The following AFG1L variants were observed in gnomAD, a reference collection of about 807,000 sequenced individuals.
AFG1L encodes the protein AFG1 like ATPase.
In AFG1L, 53 loss-of-function variants were observed where a neutral mutation model predicts 62.2. The ratio of observed to expected loss-of-function variants is 0.85; its 90% CI spans 0.68 to 1.07. The LOEUF (loss-of-function observed/expected upper bound fraction) is 1.07, where lower values mean the gene tolerates loss of function less well. Ranked by LOEUF, AFG1L falls within the 50% of genes least tolerant of loss-of-function variation. The pLI is 0.00. For synonymous variants in AFG1L, 228 were observed against 210.3 expected (o/e 1.08, Z -0.73); for missense variants, 555 against 590.5 (o/e 0.94, Z 0.62).
intron 4 of AFG1L, among the ~76,000 whole-genome samples, chr6:108,356,150 G>A (rs752485554): frequency 6.6e-6 from 1 of 152,056 alleles, no homozygotes. Flanking sequence ...GTGATCTTAC[G>A]TTATTTCACT....
intron 1 of AFG1L, among the ~76,000 whole-genome samples, chr6:108,311,374 C>T (rs1777400310): frequency 6.6e-6 from 1 of 152,178 alleles, no homozygotes. Flanking sequence ...CCTAAACTCC[C>T]TAACCTAGAT....
chr6:108,488,820 C>G (rs577948351), intron 10 of AFG1L, among the ~76,000 whole-genome samples: 1 of 152,186 alleles, frequency 6.6e-6, no homozygotes, highest in Admixed American at 6.5e-5. Flanking sequence ...CCATTGCACT[C>G]CAGCCTGGGT....
intron 1 of AFG1L, among the ~76,000 whole-genome samples, chr6:108,307,421 T>A (rs1777242729): frequency 1.3e-5 from 2 of 151,724 alleles, no homozygotes; most frequent in South Asian, 4.2e-4. Flanking sequence ...TATTTTTTTT[T>A]TTTTTTGGAA....
chr6:108,504,009 G>T (rs1042276178), intron 10 of AFG1L, among the ~76,000 whole-genome samples: 2 of 152,262 alleles, frequency 1.3e-5, no homozygotes, highest in African/African-American at 4.8e-5. Flanking sequence ...TCAGGGCCTT[G>T]CTCTGTGTTA....
chr6:108,489,599 G>C (rs116285477), intron 10 of AFG1L, among the ~76,000 whole-genome samples: 1 of 152,158 alleles, frequency 6.6e-6, no homozygotes, highest in Non-Finnish European at 1.5e-5. Flanking sequence ...TTGCTGCCTC[G>C]AGGAGGGGCA....
chr6:108,490,203 A>G (rs991043181), intron 10 of AFG1L, among the ~76,000 whole-genome samples: 2 of 152,222 alleles, frequency 1.3e-5, no homozygotes, highest in Admixed American at 6.5e-5. Flanking sequence ...TACTAAAAAT[A>G]CAAAAATTAG....
At chr6:108,317,807 C>G (rs1365160807) in intron 1 of AFG1L, among the ~76,000 whole-genome samples, 1 of 152,080 alleles carries the variant, frequency 6.6e-6, no homozygotes, top group Non-Finnish European at 1.5e-5. Flanking sequence ...GGCCTGTGCC[C>G]AGGAATGATC....
At chr6:108,357,183 G>A (rs921684962) in intron 5 of AFG1L, among the ~76,000 whole-genome samples, 1 of 73,680 alleles carries the variant, frequency 1.4e-5, no homozygotes, top group African/African-American at 5.4e-5. Context: ...AAACTCCTGG[G>A]TTCAACTTCC....
At chr6:108,503,074 C>T (rs1446616623) in intron 10 of AFG1L, among the ~76,000 whole-genome samples, 1 of 152,196 alleles carries the variant, frequency 6.6e-6, no homozygotes, top group Non-Finnish European at 1.5e-5. Context: ...CTTGCCATAT[C>T]TCTCTACCAC....
chr6:108,444,104 A>ATCTATG (rs1402137363), intron 7 of AFG1L, among the ~76,000 whole-genome samples: 5 of 129,840 alleles, frequency 3.9e-5, no homozygotes, highest in African/African-American at 5.8e-5. Context: ...ATCTATCTAT[A>ATCTATG]TCTGCACAGG....
intron 10 of AFG1L, among the ~76,000 whole-genome samples, chr6:108,503,187 T>C (rs761426780): frequency 3.3e-5 from 5 of 152,220 alleles, no homozygotes; most frequent in Non-Finnish European, 2.9e-5. Flanking sequence ...CTTCTCCCCA[T>C]GAAGCACTAA....
intron 8 of AFG1L, among the ~76,000 whole-genome samples, chr6:108,469,932 A>C (rs1332042462): frequency 6.6e-6 from 1 of 152,062 alleles, no homozygotes. Context: ...TGGCTATCCA[A>C]GTGGAAGGAG....
chr6:108,338,909 G>A (rs1280945170), intron 2 of AFG1L, among the ~76,000 whole-genome samples: 2 of 152,104 alleles, frequency 1.3e-5, no homozygotes, highest in Non-Finnish European at 2.9e-5. Flanking sequence ...AGACAGAGTA[G>A]TCTTGCTGTG....
At chr6:108,421,731 G>A (rs1356395375) in intron 7 of AFG1L, among the ~76,000 whole-genome samples, 2 of 152,086 alleles carry the variant, frequency 1.3e-5, no homozygotes, top group African/African-American at 4.8e-5. Flanking sequence ...CCTCATCAGG[G>A]CTCAGAGGAA....
chr6:108,471,193 T>C (rs1339664000), intron 8 of AFG1L, among the ~76,000 whole-genome samples: 1 of 152,158 alleles, frequency 6.6e-6, no homozygotes, highest in East Asian at 1.9e-4. Flanking sequence ...TGAATCTTTC[T>C]TGAGGGTGAG....
chr6:108,345,699 T>C (rs1166886930), intron 2 of AFG1L, among the ~76,000 whole-genome samples: 1 of 152,146 alleles, frequency 6.6e-6, no homozygotes, highest in Non-Finnish European at 1.5e-5. Context: ...CCTCTGAGTT[T>C]ATTCCCCTCT....
At chr6:108,474,749 T>A (rs2114809868) in intron 8 of AFG1L, among the ~76,000 whole-genome samples, 1 of 152,330 alleles carries the variant, frequency 6.6e-6, no homozygotes, top group Non-Finnish European at 1.5e-5. Context: ...TTCTTTTTTC[T>A]TGTAAATTTG....
At chr6:108,510,379 A>G (rs1199386061) in intron 11 of AFG1L, 27 bp downstream of exon 11, 1 of 1,570,894 alleles carries the variant, frequency 6.4e-7, no homozygotes, top group East Asian at 2.3e-5. Context: ...TTTTCTTAAA[A>G]CTAAACACTT....
intron 8 of AFG1L, among the ~76,000 whole-genome samples, chr6:108,465,648 A>G (rs554974886): frequency 2.5e-5 from 3 of 119,902 alleles, no homozygotes; most frequent in East Asian, 4.1e-4. Flanking sequence ...CCCTAGAGTC[A>G]TAGAGTCACT....
Sources: gnomAD v4.1 joint callset for allele counts (sites outside exome capture counted in the v4.1 genomes callset) on GRCh38, gnomAD v4.1.1 for gene constraint, MANE v1.5 for transcripts, NCBI Gene and HGNC (gene_info 2026-07-23, HGNC 2026-07-21) for gene names.